NOP9: variants seen among roughly 807,000 people sequenced by gnomAD.
NOP9 encodes nucleolar protein 9.
In NOP9, 50 loss-of-function variants were observed where a neutral mutation model predicts 63.0. The ratio of observed to expected loss-of-function variants is 0.79; its 90% CI spans 0.63 to 1.00. The LOEUF is 1.00. Among genes scored for constraint, NOP9 ranks in the 50% least tolerant of loss-of-function variants. The probability of loss-of-function intolerance (pLI) is 0.00; values close to 1 mark genes in which losing one functional copy is unlikely to be tolerated. For missense variants in NOP9, 758 were observed against 803.0 expected (o/e 0.94, Z 0.68); for synonymous variants, 343 against 332.8 (o/e 1.03, Z -0.33).
chr14:24,285,883 G>A, the NOP9 span, among the ~76,000 whole-genome samples: 2 of 152,092 alleles, frequency 1.3e-5, no homozygotes, highest in Non-Finnish European at 2.9e-5. Flanking sequence ...CAGCTACTCA[G>A]GAGGCTGAGG....
chr14:24,301,692 C>T lies in NOP9; in HGVS notation c.778C>T (p.Leu260=). 6.2e-7 allele frequency: 1 copy of T among 1,614,150 alleles called. No individual in the cohort carries two copies. The highest frequency in any genetic ancestry group is 8.5e-7 in the Non-Finnish European group (1 of 1,180,028). Reference sequence around the variant, plus strand: ...AACCTTTTTGAATCGCCTTCAGGACCTGAGCTCCTCCTTTCTGAAGGACAT... The same window carrying T: ...AACCTTTTTGAATCGCCTTCAGGACTTGAGCTCCTCCTTTCTGAAGGACAT... ...PETFLNRLQD[L]SSSFLKDIAV... is the part of the protein sequence containing the mutation. Residue 260 remains leucine (L), a synonymous_variant, in exon 3 of 10, where the codon CTG becomes TTG. Coordinates refer to ENST00000267425, the MANE Select transcript of NOP9 (RefSeq NM_174913.3).
chr14:24,304,352 C>T, intron 8 of NOP9, 75 bp downstream of exon 8: 1 of 1,382,634 alleles, frequency 7.2e-7, no homozygotes, highest in Non-Finnish European at 1.0e-6. Flanking sequence ...TGGACTGTAC[C>T]TTCAGACTCA....
At position 24,302,100 on chromosome 14, in the gene NOP9, A is replaced by G. The variant is rs1378281878; in HGVS notation, c.944A>G (p.Asp315Gly). 1.2e-6 allele frequency: 2 copies of G among 1,613,344 alleles called. No homozygotes were observed. The highest frequency in any genetic ancestry group is 1.1e-5 in the South Asian group (1 of 90,968). ...CTGAGTACTCGCGGTTCCTCAGTAG[A>G]TGGCAGGTATGGTCAGGGCCTCAGG... is the stretch of plus-strand genomic sequence containing the variant. ...GYLSTRGSSV[D>G]GSPLLLFLRD... is the part of the protein sequence containing the mutation. Residue 315 changes from aspartate to glycine, a missense_variant, in exon 4 of 10, where the codon GAT (aspartate) becomes GGT (glycine). Coordinates refer to ENST00000267425, the MANE Select transcript of NOP9 (RefSeq NM_174913.3).
upstream of NOP9, chr14:24,299,842 A>C (rs1594614978): frequency 7.4e-7 from 1 of 1,344,222 alleles, no homozygotes. Context: ...TAGCTGCGTC[A>C]GGAGCGCGCC....
At chr14:24,303,642 CCTT>C (rs1402017233) in intron 6 of NOP9, 87 bp from the exon 7 acceptor site, 17 of 1,371,544 alleles carry the variant, frequency 1.2e-5, no homozygotes, top group Non-Finnish European at 1.8e-5. Context: ...TGGAGTTGGG[CCTT>C]CTTTCCTTTC....
upstream of NOP9, chr14:24,298,874 G>T: frequency 7.0e-7 from 1 of 1,422,734 alleles, no homozygotes. Flanking sequence ...ATAGTTTCAG[G>T]TAAGGGATTA....
chr14:24,272,522 T>G, the NOP9 span, among the ~76,000 whole-genome samples: 1 of 152,264 alleles, frequency 6.6e-6, no homozygotes, highest in Non-Finnish European at 1.5e-5. Context: ...TTCTCCAGAT[T>G]GTTGAAAGTC....
Position 24,305,033 on chromosome 14 carries a change from G to A in NOP9, c.1849G>A (p.Glu617Lys). 6.2e-7 allele frequency: 1 copy of A among 1,606,352 alleles called. No individual in the cohort carries two copies. Among genetic ancestry groups the A allele is most frequent in the South Asian group, 1.1e-5 (1 of 89,902 alleles). ...CTTCCTAAAGCGGCGAGAGGCTTGG[G>A]AACAGCAGCAGGGTGCGGTGGCCAA... ...TTFLKRREAW[E>K]QQQGAVAKRR... Residue 617 changes from glutamate (E) to lysine (K), a missense_variant, in exon 10 of 10, where the codon GAA becomes AAA. Coordinates refer to ENST00000267425, the MANE Select transcript of NOP9 (RefSeq NM_174913.3).
intron 9 of NOP9, 58 bp downstream of exon 9, chr14:24,304,656 C>G: frequency 7.6e-7 from 1 of 1,313,718 alleles, no homozygotes; most frequent in Non-Finnish European, 1.1e-6. Context: ...TACTCCAGAT[C>G]ACTGGGTAGC....
Position 24,303,072 on chromosome 14 carries a change from A to G in NOP9, c.1144-2A>G. ...AGAGTTACATTCCATGTTTCCCATC[A>G]GCTGTCCCCTGTGTTTGAGGAGCTG... On this transcript the variant is annotated splice_acceptor_variant, in intron 5 of 9. Coordinates refer to ENST00000267425, the MANE Select transcript of NOP9 (RefSeq NM_174913.3). LOFTEE classifies it high-confidence loss of function. The G allele has an allele frequency of 6.6e-7, 1 of 1,520,588 alleles. No individual in the cohort carries two copies. The highest frequency in any genetic ancestry group is 8.8e-7 in the Non-Finnish European group (1 of 1,137,330). 94.2% of individuals were successfully genotyped at this position (1,520,588 alleles called of 1,614,324 possible).
chr14:24,296,587 G>A (rs377106747), upstream of NOP9: 68 of 1,614,006 alleles, frequency 4.2e-5, no homozygotes, highest in Admixed American at 2.0e-4. Flanking sequence ...GTTCAGGATC[G>A]TCTGGAAGGC....
the NOP9 span, among the ~76,000 whole-genome samples, chr14:24,277,909 A>G: frequency 6.6e-6 from 1 of 152,166 alleles, no homozygotes; most frequent in African/African-American, 2.4e-5. Context: ...GAAATCAAAT[A>G]TTGGGAAATC....
chr14:24,274,380 C>T, the NOP9 span, among the ~76,000 whole-genome samples: 1 of 152,012 alleles, frequency 6.6e-6, no homozygotes, highest in East Asian at 1.9e-4. Flanking sequence ...TTGGAAAGAG[C>T]GGGCAGGAAG....
At chr14:24,272,393 A>G in the NOP9 span, among the ~76,000 whole-genome samples, 1 of 152,034 alleles carries the variant, frequency 6.6e-6, no homozygotes, top group African/African-American at 2.4e-5. Context: ...CATCCTGTCT[A>G]AACATTGGCC....
At chr14:24,296,878 G>A, upstream of NOP9, 3 of 1,614,222 alleles carry the variant, frequency 1.9e-6, no homozygotes, top group Non-Finnish European at 8.5e-7. Flanking sequence ...CCGAGGGATT[G>A]TGCCTGGAGT....
At chr14:24,275,164 G>T in the NOP9 span, among the ~76,000 whole-genome samples, 9 of 151,966 alleles carry the variant, frequency 5.9e-5, no homozygotes, top group Admixed American at 2.6e-4. Flanking sequence ...TGCCTGCCTC[G>T]GCCTCCCAAA....
rs780030544 is a variant in NOP9 at position 24,304,547 on chromosome 14, A to T, written c.1702A>T (p.Ile568Phe). The T allele has an allele frequency of 5.0e-6, 8 of 1,613,770 alleles. No homozygotes were observed. In the Admixed American group the frequency reaches 1.2e-4, roughly 24 times the overall value. The change falls in exon 9 of 10, where the codon ATC becomes TTC. Residue 568 changes from isoleucine to phenylalanine, a missense_variant. Transcript: ENST00000267425. ...CCATGGCAGCCGTGTGCTAGATGCC[A>T]TCTGGAGTGGAGCAGCCTTGAGGGC... is the stretch of plus-strand genomic sequence containing the variant. ...SRHGSRVLDAIWSGAALRARK... is the reference protein window; with the variant it reads ...SRHGSRVLDAFWSGAALRARK...
the NOP9 span, among the ~76,000 whole-genome samples, chr14:24,279,461 G>C: frequency 2.0e-5 from 3 of 152,244 alleles, no homozygotes; most frequent in Non-Finnish European, 4.4e-5. Context: ...TAGCCAGTGA[G>C]AAGGGAGGGC....
In NOP9 at chr14:24,300,556, C is replaced by G. The variant is rs1257870330; in HGVS notation, c.396C>G (p.Asn132Lys). 7.4e-6 allele frequency: 12 copies of G among 1,614,120 alleles called. No homozygotes were observed. The highest frequency in any genetic ancestry group is 1.0e-5 in the Non-Finnish European group (12 of 1,180,048). Residue 132 changes from asparagine to lysine, a missense_variant, in exon 2 of 10, where the codon AAC becomes AAG. Transcript: ENST00000267425. ...LCRVWAALRS[N>K]LRTVACHRCG... is the part of the protein sequence containing the mutation. ...GCGTGTGGGCTGCTCTGCGCTCTAA[C>G]TTGCGCACTGTGGCCTGTCACCGAT...
Sources: allele counts gnomAD v4.1 joint callset (sites outside exome capture counted in the v4.1 genomes callset), GRCh38; gene constraint gnomAD v4.1.1; transcripts MANE v1.5; gene names NCBI Gene and HGNC (gene_info 2026-07-23, HGNC 2026-07-21).